PWWP2A: variants seen among roughly 807,000 people sequenced by gnomAD.
The protein encoded by PWWP2A is PWWP domain containing 2A, also known as PWWP domain-containing protein 2A.
A neutral mutation model predicts 48.5 loss-of-function variants in PWWP2A; 18 were observed. The observed-to-expected ratio is 0.37, with a 90% confidence interval of 0.26 to 0.55. The LOEUF (loss-of-function observed/expected upper bound fraction) is 0.55. Ranked by LOEUF, PWWP2A falls within the 20% of genes least tolerant of loss-of-function variation. The pLI is 0.81. For synonymous variants in PWWP2A, 396 were observed against 387.7 expected, an observed-to-expected ratio of 1.02 and a Z score of -0.25; for missense variants, 867 against 976.4, an observed-to-expected ratio of 0.89 and a Z score of 1.49.
At chr5:160,106,966 G>A (rs1581251854) in intron 1 of PWWP2A, among the ~76,000 whole-genome samples, 1 of 151,792 alleles carries the variant, frequency 6.6e-6, no homozygotes, top group East Asian at 1.9e-4. Flanking sequence ...TGGGATTACA[G>A]GCACACACCA....
At chr5:160,071,044 C>G (rs564373483), downstream of PWWP2A, among the ~76,000 whole-genome samples, 6 of 152,172 alleles carry the variant, frequency 3.9e-5, no homozygotes, top group African/African-American at 1.4e-4. Context: ...AAAAAGTTAG[C>G]CAGGCATGGT....
intron 2 of PWWP2A, among the ~76,000 whole-genome samples, chr5:160,081,429 G>A (rs530496857): frequency 2.0e-5 from 3 of 152,092 alleles, no homozygotes; most frequent in South Asian, 2.1e-4. Context: ...TAGTAGAGAT[G>A]GGGTTTCACC....
chr5:160,070,699 A>C (rs1753720679), intron 2 of PWWP2A, among the ~76,000 whole-genome samples: 1 of 152,194 alleles, frequency 6.6e-6, no homozygotes, highest in African/African-American at 2.4e-5. Context: ...TACATGTTAT[A>C]GATGTCCCTA....
At chr5:160,081,750 A>G (rs528801668) in intron 2 of PWWP2A, among the ~76,000 whole-genome samples, 1 of 152,360 alleles carries the variant, frequency 6.6e-6, no homozygotes, top group Non-Finnish European at 1.5e-5. Flanking sequence ...TAAATGAAGG[A>G]CTGCTATCTT....
chr5:160,048,121 C>A, the PWWP2A span, among the ~76,000 whole-genome samples: 3 of 99,494 alleles, frequency 3.0e-5, no homozygotes, highest in Admixed American at 1.3e-4. Context: ...AGAGCCAAGA[C>A]ATTGCTTTTT....
chr5:160,118,278 T>C (rs751971594), intron 1 of PWWP2A, among the ~76,000 whole-genome samples: 12 of 152,196 alleles, frequency 7.9e-5, no homozygotes, highest in Non-Finnish European at 1.5e-4. Flanking sequence ...AGTTAAAAGG[T>C]TCATTTTAAC....
At chr5:160,068,112 CAG>C (rs1753657109) in intron 2 of PWWP2A, among the ~76,000 whole-genome samples, 1 of 152,062 alleles carries the variant, frequency 6.6e-6, no homozygotes, top group Non-Finnish European at 1.5e-5. Context: ...ACCCAGAAGG[CAG>C]AGATTGCAGT....
Position 160,078,199 on chromosome 5 carries a change from G to A in PWWP2A, c.1670-31C>T. 13 of 1,531,818 alleles carry A rather than the reference G, an allele frequency of 8.5e-6. No individual in the cohort carries two copies. The highest frequency in any genetic ancestry group is 1.2e-5 in the Non-Finnish European group (13 of 1,128,618). 94.9% of individuals were successfully genotyped at this position (1,531,818 alleles called of 1,614,324 possible). On this transcript the variant is annotated intron_variant, in intron 3 of 3. Transcript: ENST00000456329. The surrounding 1 kb of genome is among the most constrained non-coding windows in gnomAD (Gnocchi z 4.2). ...ATATAGTAAAGAAAAGGAAGAAAAT[G>A]TCGTTAAGCACAAGTAATTATATGA...
chr5:160,091,156 T>C, downstream of PWWP2A: 1 of 977,384 alleles, frequency 1.0e-6, no homozygotes, highest in Non-Finnish European at 1.2e-6. Flanking sequence ...AAATCTTATT[T>C]TGAGAATATA....
chr5:160,065,369 C>T (rs1375259470), intron 4 of PWWP2A: 2 of 514,734 alleles, frequency 3.9e-6, no homozygotes, highest in Non-Finnish European at 7.5e-6. Flanking sequence ...ATCATACACA[C>T]ACACAGCCCA....
chr5:160,052,946 T>C, the PWWP2A span, among the ~76,000 whole-genome samples: 2 of 152,254 alleles, frequency 1.3e-5, no homozygotes, highest in African/African-American at 4.8e-5. Context: ...TTGTTACACA[T>C]GTGTAGTTTG....
In PWWP2A at chr5:160,092,114, A is replaced by C. The variant is rs946142586; in HGVS notation, c.*268T>G. On this transcript the variant is annotated 3_prime_UTR_variant, in exon 2 of 2. Transcript: ENST00000307063. ...CCCTACAAAAATTCAATTTCAGTTG[A>C]GGCTATGGCTCCTATGCCTTGGGAT... 3 of 1,152,400 alleles carry C rather than the reference A, an allele frequency of 2.6e-6. No individual in the cohort carries two copies. The African/African-American group carries it at 4.8e-5, about 18-fold the overall frequency. 71.4% of individuals were successfully genotyped at this position (1,152,400 alleles called of 1,614,324 possible).
intron 2 of PWWP2A, among the ~76,000 whole-genome samples, chr5:160,081,973 T>G (rs563127615): frequency 1.1e-4 from 16 of 152,206 alleles, no homozygotes; most frequent in Non-Finnish European, 1.5e-4. Flanking sequence ...ACTGAAAAGA[T>G]TTTGTATACA....
At chr5:160,080,668 A>G (rs928713904) in exon 3 of PWWP2A, 1 of 1,557,376 alleles carries the variant, frequency 6.4e-7, no homozygotes, top group African/African-American at 1.4e-5. Context: ...TTTCACTGTT[A>G]ACTTCAATGC....
intron 1 of PWWP2A, among the ~76,000 whole-genome samples, chr5:160,110,609 G>C (rs1757460294): frequency 6.6e-6 from 1 of 152,080 alleles, no homozygotes; most frequent in Non-Finnish European, 1.5e-5. Context: ...GGGAGGCTGA[G>C]GCAGGAGAAT....
chr5:160,092,770 T>C lies in PWWP2A; in HGVS notation c.1880A>G (p.Lys627Arg), dbSNP rs373887220. 40 of 1,551,688 alleles carry C rather than the reference T, an allele frequency of 2.6e-5. No individual in the cohort carries two copies. The highest frequency in any genetic ancestry group is 1.7e-4 in the South Asian group (14 of 84,064). The change falls in exon 2 of 2, where the codon AAA becomes AGA. Residue 627 changes from lysine to arginine, a missense_variant. By Grantham distance (26) the Lys-to-Arg change is conservative. Transcript: ENST00000307063. ...CATTTTCAAGGAATTACTGAGCTTT[T>C]TCTCTTCCTTTGAAGAGGAGGAAGT... Reference protein sequence around the residue: ...SSTSSSSKEEKKLSNSLKMKV... With the variant: ...SSTSSSSKEERKLSNSLKMKV...
the PWWP2A span, among the ~76,000 whole-genome samples, chr5:160,045,804 G>A: frequency 6.6e-6 from 1 of 151,922 alleles, no homozygotes. Context: ...GTGCAGTGGT[G>A]CCATCTTGGC....
At chr5:160,109,822 AAT>A (rs201400491) in intron 1 of PWWP2A, among the ~76,000 whole-genome samples, 13,464 of 113,758 alleles carry the variant, frequency 0.12, 978 homozygotes, top group South Asian at 0.21. Context: ...ATAATATAAT[AAT>A]ATATATATAT....
At chr5:160,097,658 A>G (rs912790043) in intron 1 of PWWP2A, among the ~76,000 whole-genome samples, 1 of 145,482 alleles carries the variant, frequency 6.9e-6, no homozygotes, top group Non-Finnish European at 1.5e-5. Flanking sequence ...TAAATAAAAC[A>G]AATACAAAAA....
Sources: gnomAD v4.1 joint callset for allele counts (sites outside exome capture counted in the v4.1 genomes callset) on GRCh38, gnomAD v4.1.1 for gene constraint, Gnocchi (gnomAD v3.1) non-coding constraint, MANE v1.5 for transcripts, NCBI Gene and HGNC (gene_info 2026-07-23, HGNC 2026-07-21) for gene names.